Variants in ARHGAP39 observed in about 807,000 individuals in gnomAD.
ARHGAP39 encodes the protein Rho GTPase activating protein 39, also known as rho GTPase-activating protein 39.
Under a neutral mutation model 106.9 loss-of-function variants are expected in ARHGAP39, and 44 were observed. The observed-to-expected ratio is 0.41, with a 90% CI of 0.32 to 0.53. The LOEUF (loss-of-function observed/expected upper bound fraction) is 0.53. Ranked by LOEUF, ARHGAP39 falls within the 20% of genes least tolerant of loss-of-function variation. ARHGAP39 has a pLI of 0.21. For missense variants in ARHGAP39, 1,496 were observed against 1,577.3 expected, an observed-to-expected ratio of 0.95 and a Z score of 0.87; for synonymous variants, 768 against 693.2, an observed-to-expected ratio of 1.11 and a Z score of -1.69.
chr8:144,548,743 G>C lies in ARHGAP39; in HGVS notation c.597-254C>G, dbSNP rs1034657223. ...TGATCCCAGCTCCTGACCGGGCACAGGGCTGCTTCTGTAACTAGAACCGGG... is the reference window on the plus strand; with the variant it reads ...TGATCCCAGCTCCTGACCGGGCACACGGCTGCTTCTGTAACTAGAACCGGG... On this transcript the variant is annotated intron_variant, in intron 4 of 11. Transcript: ENST00000377307. The surrounding 1 kb of genome is among the most constrained non-coding windows in gnomAD (Gnocchi z 7.4). Among the ~76,000 whole-genome samples the C allele has an allele frequency of 6.6e-6, 1 of 152,230 alleles. No individual in the cohort carries two copies. The highest frequency in any genetic ancestry group is 1.5e-5 in the Non-Finnish European group (1 of 68,034).
intron 2 of ARHGAP39, among the ~76,000 whole-genome samples, chr8:144,602,308 T>C (rs1820034160): frequency 7.3e-6 from 1 of 137,254 alleles, no homozygotes; most frequent in African/African-American, 2.8e-5. Flanking sequence ...TGTACCTGTG[T>C]GTGTGCATGG....
intron 4 of ARHGAP39, among the ~76,000 whole-genome samples, chr8:144,550,807 G>A (rs890447206): frequency 4.6e-5 from 7 of 152,244 alleles, no homozygotes; most frequent in Admixed American, 2.0e-4. Flanking sequence ...CAAACCCTGA[G>A]GGCCAGCTGT....
intron 1 of ARHGAP39, among the ~76,000 whole-genome samples, chr8:144,654,594 G>A (rs1300364642): frequency 6.6e-6 from 1 of 152,216 alleles, no homozygotes; most frequent in Non-Finnish European, 1.5e-5. Flanking sequence ...GCAGCAGGGA[G>A]GCGTGGCCAG....
intron 2 of ARHGAP39, among the ~76,000 whole-genome samples, chr8:144,602,567 C>T (rs1252156667): frequency 7.7e-6 from 1 of 129,212 alleles, no homozygotes; most frequent in Non-Finnish European, 1.6e-5. Flanking sequence ...CGTGCGAGCT[C>T]GTGTACCTGT....
chr8:144,603,024 T>G (rs1318993593), intron 2 of ARHGAP39, among the ~76,000 whole-genome samples: 1 of 126,810 alleles, frequency 7.9e-6, no homozygotes, highest in East Asian at 2.4e-4. Flanking sequence ...AGCTCATGTA[T>G]CTGTGTGCGT....
At chr8:144,662,013 C>A (rs902787348) in intron 1 of ARHGAP39, among the ~76,000 whole-genome samples, 3 of 151,298 alleles carry the variant, frequency 2.0e-5, no homozygotes, top group Admixed American at 2.0e-4. Flanking sequence ...TTCCCTCATC[C>A]CCATTATCCA....
intron 1 of ARHGAP39, among the ~76,000 whole-genome samples, chr8:144,607,704 C>T (rs955939091): frequency 1.3e-5 from 2 of 152,250 alleles, no homozygotes; most frequent in Non-Finnish European, 2.9e-5. Flanking sequence ...AAACTTTCTC[C>T]AAGTCCCAGA....
Position 144,669,788 on chromosome 8 carries a change from T to C in ARHGAP39, c.-82+15898A>G, listed in dbSNP as rs572437312. 1.4e-4 allele frequency among the ~76,000 whole-genome samples: 21 copies of C among 152,254 alleles called. No homozygotes were observed. The South Asian group carries it at 4.1e-3, about 30-fold the overall frequency. ...AAAAGATGCTCAACATCATTAGCCA[T>C]TGGGGAAATACAAATAAAAATCACT... On this transcript the variant is annotated intron_variant, in intron 1 of 11. Transcript: ENST00000377307.
chr8:144,627,426 G>A (rs894210477), intron 1 of ARHGAP39, among the ~76,000 whole-genome samples: 2 of 151,942 alleles, frequency 1.3e-5, no homozygotes, highest in Non-Finnish European at 2.9e-5. Flanking sequence ...GTGGTGGTGG[G>A]CACCTGTATT....
At position 144,581,600 on chromosome 8, in the gene ARHGAP39, G is replaced by A. The variant is rs567933743; in HGVS notation, c.81-323C>T. Reference sequence around the variant, plus strand: ...CCACAACCTCACTGCCCACTGCTCCGTCCTGCAGGATCGTGGCACAGGCCT... The same window carrying A: ...CCACAACCTCACTGCCCACTGCTCCATCCTGCAGGATCGTGGCACAGGCCT... On this transcript the variant is annotated intron_variant, in intron 2 of 11. Coordinates refer to ENST00000377307, the MANE Select transcript of ARHGAP39 (RefSeq NM_025251.3). Among the ~76,000 whole-genome samples the A allele has an allele frequency of 1.3e-4, 20 of 152,344 alleles. 1 individual carries two copies. The highest frequency in any genetic ancestry group is 4.1e-4 in the South Asian group (2 of 4,828).
At chr8:144,567,382 C>T (rs1006526244) in intron 3 of ARHGAP39, among the ~76,000 whole-genome samples, 17 of 152,206 alleles carry the variant, frequency 1.1e-4, no homozygotes, top group African/African-American at 3.9e-4. Flanking sequence ...CTTGGTCTAG[C>T]GGTAACGCCA....
chr8:144,567,982 T>G lies in ARHGAP39; in HGVS notation c.513-12339A>C, dbSNP rs971890866. Among the ~76,000 whole-genome samples the G allele has an allele frequency of 1.8e-4, 27 of 152,188 alleles. 2 individuals carry two copies. Among genetic ancestry groups the G allele is most frequent in the Non-Finnish European group, 2.8e-4 (19 of 68,014 alleles). On this transcript the variant is annotated intron_variant, in intron 3 of 11. Transcript: ENST00000377307. ...CCCAGCTGTCTTTTCTTTTATCTCT[T>G]TGTCTTGTGTCTTTATTTCTACAAT...
At chr8:144,541,971 G>T (rs1289747697) in intron 6 of ARHGAP39, among the ~76,000 whole-genome samples, 18 of 146,940 alleles carry the variant, frequency 1.2e-4, no homozygotes, top group Admixed American at 2.0e-4. Flanking sequence ...TCCTTTCTGG[G>T]TTTTTTTTTT....
At chr8:144,642,278 C>A (rs1821331392) in intron 1 of ARHGAP39, among the ~76,000 whole-genome samples, 1 of 152,078 alleles carries the variant, frequency 6.6e-6, no homozygotes, top group Non-Finnish European at 1.5e-5. Flanking sequence ...CTGAGACCAG[C>A]AGTTCAAGAT....
At chr8:144,607,578 C>T (rs1202643181) in intron 1 of ARHGAP39, among the ~76,000 whole-genome samples, 2 of 152,202 alleles carry the variant, frequency 1.3e-5, no homozygotes, top group Non-Finnish European at 2.9e-5. Flanking sequence ...ACCCCGCCCC[C>T]CAGGAGAGGC....
chr8:144,698,733 G>A, the ARHGAP39 span: 5 of 445,284 alleles, frequency 1.1e-5, no homozygotes, highest in East Asian at 2.8e-4. Context: ...AGTCTGTACT[G>A]AGAGGACGAA....
chr8:144,557,445 A>T (rs1051078726), intron 3 of ARHGAP39, among the ~76,000 whole-genome samples: 1 of 150,954 alleles, frequency 6.6e-6, no homozygotes, highest in African/African-American at 2.4e-5. Context: ...CCTTCGTAGT[A>T]TTCAGAGGCA....
chr8:144,547,001 G>A lies in ARHGAP39; in HGVS notation c.1959+126C>T. ...GTGCCCAGGGCCCCGGAGACACGGGGCTTCAGAACTCTGCGTGCTGCGTGC... is the reference window on the plus strand; with the variant it reads ...GTGCCCAGGGCCCCGGAGACACGGGACTTCAGAACTCTGCGTGCTGCGTGC... On this transcript the variant is annotated intron_variant, in intron 5 of 11. Transcript: ENST00000377307. The surrounding 1 kb of genome is among the most constrained non-coding windows in gnomAD (Gnocchi z 5.2). 8.2e-7 allele frequency: 1 copy of A among 1,218,296 alleles called. No homozygotes were observed. The highest frequency in any genetic ancestry group is 1.7e-5 in the South Asian group (1 of 58,484). The allele number at this position is 1,218,296 out of a possible 1,614,324, so 75.5% of individuals were successfully genotyped here.
chr8:144,581,910 A>G (rs117391805), intron 2 of ARHGAP39, among the ~76,000 whole-genome samples: 330 of 152,342 alleles, frequency 2.2e-3, no homozygotes, highest in Admixed American at 3.9e-3. Flanking sequence ...CTACACGGAA[A>G]CAAAAACCCT....
Sources: gnomAD v4.1 joint callset for allele counts (sites outside exome capture counted in the v4.1 genomes callset) on GRCh38, gnomAD v4.1.1 for gene constraint, Gnocchi (gnomAD v3.1) non-coding constraint, MANE v1.5 for transcripts, NCBI Gene and HGNC (gene_info 2026-07-23, HGNC 2026-07-21) for gene names.